Variants in LUZP2 observed in about 807,000 individuals in gnomAD.
LUZP2 encodes the protein leucine zipper protein 2.
LUZP2 carries 52 observed loss-of-function variants against 51.6 expected under a neutral mutation model. The observed-to-expected ratio is 1.01, with a 90% CI of 0.81 to 1.27. The LOEUF (loss-of-function observed/expected upper bound fraction) is 1.27, where lower values mean the gene tolerates loss of function less well. LUZP2 is among the 50% of genes most tolerant of loss of function. The probability of loss-of-function intolerance (pLI) is 0.00; values close to 1 mark genes in which losing one functional copy is unlikely to be tolerated. For synonymous variants in LUZP2, 154 were observed against 137.3 expected (o/e 1.12, Z -0.85); for missense variants, 436 against 395.4 (o/e 1.10, Z -0.87).
chr11:24,514,119 A>G (rs1310648285), intron 1 of LUZP2, among the ~76,000 whole-genome samples: 2 of 152,206 alleles, frequency 1.3e-5, no homozygotes, highest in Non-Finnish European at 2.9e-5. Context: ...AGCATGTGGC[A>G]TATCCCTGGC....
rs367681666 is a variant in LUZP2 at position 24,531,039 on chromosome 11, T to TTTATTA, written c.62+33755_62+33760dup. Among the ~76,000 whole-genome samples, 715 of 144,894 alleles carry TTTATTA rather than the reference T, an allele frequency of 4.9e-3. 9 individuals carry two copies. Among genetic ancestry groups the TTTATTA allele is most frequent in the African/African-American group, 0.018 (678 of 38,570 alleles). On this transcript the variant is annotated intron_variant, in intron 1 of 11. Coordinates refer to ENST00000336930, the MANE Select transcript of LUZP2 (RefSeq NM_001009909.4). Reference sequence around the variant, plus strand: ...CAGATGGCTTATTACTTTAGCCTCTTTTATTATTATTATTATTATTATTAT... The same window carrying TTTATTA: ...CAGATGGCTTATTACTTTAGCCTCTTTTATTATTATTATTATTATTATTATTATTAT...
Position 24,993,953 on chromosome 11 carries a change from G to A in LUZP2, c.765+10660G>A, listed in dbSNP as rs550822416. 3.3e-5 allele frequency among the ~76,000 whole-genome samples: 5 copies of A among 152,062 alleles called. No homozygotes were observed. The South Asian group carries it at 8.3e-4, about 25-fold the overall frequency. On this transcript the variant is annotated intron_variant, in intron 9 of 11. Transcript: ENST00000336930. The stretch of plus-strand genomic sequence containing the variant: ...TTGGCTCACTGCAGCCTCCGCCTCC[G>A]GGGTTCAAGTGATTCTCCTGCCTCA...
chr11:24,904,054 GT>G (rs910905576), intron 5 of LUZP2, among the ~76,000 whole-genome samples: 1 of 152,088 alleles, frequency 6.6e-6, no homozygotes, highest in African/African-American at 2.4e-5. Flanking sequence ...CTTCCATACT[GT>G]TTTCCGTAAT....
intron 1 of LUZP2, among the ~76,000 whole-genome samples, chr11:24,508,484 A>G (rs970607211): frequency 5.3e-5 from 8 of 152,104 alleles, no homozygotes; most frequent in African/African-American, 1.9e-4. Context: ...TTAGCATGGT[A>G]ATATCTTTAT....
At chr11:25,023,372 A>G (rs1467969774) in intron 9 of LUZP2, among the ~76,000 whole-genome samples, 1 of 151,930 alleles carries the variant, frequency 6.6e-6, no homozygotes, top group African/African-American at 2.4e-5. Context: ...TAGTCTTGGG[A>G]GGGTGTATGT....
intron 7 of LUZP2, among the ~76,000 whole-genome samples, chr11:24,947,311 A>G (rs1369906710): frequency 6.6e-6 from 1 of 151,912 alleles, no homozygotes; most frequent in African/African-American, 2.4e-5. Flanking sequence ...ACTGAATACT[A>G]TGAGGAGGTG....
At chr11:24,802,383 T>C (rs771782888) in intron 5 of LUZP2, among the ~76,000 whole-genome samples, 6 of 152,016 alleles carry the variant, frequency 3.9e-5, no homozygotes, top group Non-Finnish European at 7.4e-5. Flanking sequence ...AACATTCTAC[T>C]ACATGAGTTT....
intron 1 of LUZP2, among the ~76,000 whole-genome samples, chr11:24,505,540 A>G (rs904205471): frequency 2.0e-5 from 3 of 152,178 alleles, no homozygotes; most frequent in African/African-American, 7.2e-5. Context: ...GACAGTCTAC[A>G]TTATCTAATT....
At chr11:24,857,683 C>T (rs1193395264) in intron 5 of LUZP2, among the ~76,000 whole-genome samples, 2 of 136,502 alleles carry the variant, frequency 1.5e-5, no homozygotes, top group African/African-American at 5.6e-5. Context: ...TGGTTATTTA[C>T]CATCTTGATC....
At chr11:24,570,459 A>C (rs1852396311) in intron 1 of LUZP2, among the ~76,000 whole-genome samples, 1 of 152,080 alleles carries the variant, frequency 6.6e-6, no homozygotes, top group Non-Finnish European at 1.5e-5. Flanking sequence ...CAAAAGTAGC[A>C]AAATAGCCTT....
chr11:24,874,140 T>C (rs1420220975), intron 5 of LUZP2, among the ~76,000 whole-genome samples: 1 of 152,118 alleles, frequency 6.6e-6, no homozygotes, highest in Non-Finnish European at 1.5e-5. Context: ...CTGGGAACAA[T>C]GCTAAAATGA....
chr11:24,545,131 T>C (rs1451468485), intron 1 of LUZP2, among the ~76,000 whole-genome samples: 1 of 151,978 alleles, frequency 6.6e-6, no homozygotes, highest in Non-Finnish European at 1.5e-5. Flanking sequence ...TTTAATTTTT[T>C]TTTTCTTGCT....
chr11:24,586,161 T>G (rs1041284332), intron 1 of LUZP2, among the ~76,000 whole-genome samples: 5 of 152,098 alleles, frequency 3.3e-5, no homozygotes, highest in African/African-American at 1.2e-4. Context: ...TTCTCTGTAC[T>G]TTAAATAGAA....
intron 1 of LUZP2, among the ~76,000 whole-genome samples, chr11:24,596,209 C>A (rs1410076423): frequency 6.6e-6 from 1 of 152,202 alleles, no homozygotes; most frequent in Non-Finnish European, 1.5e-5. Context: ...AACCTCCCAC[C>A]TATCTTGCAC....
intron 9 of LUZP2, among the ~76,000 whole-genome samples, chr11:25,041,104 C>T (rs1858040901): frequency 6.6e-6 from 1 of 152,012 alleles, no homozygotes; most frequent in African/African-American, 2.4e-5. Context: ...ATATTTTGTT[C>T]ATTTTTTTCA....
chr11:24,851,350 A>C (rs1034221475), intron 5 of LUZP2, among the ~76,000 whole-genome samples: 8 of 152,118 alleles, frequency 5.3e-5, no homozygotes, highest in African/African-American at 1.7e-4. Flanking sequence ...TTCTGCATCT[A>C]TTGAGATAAT....
intron 9 of LUZP2, among the ~76,000 whole-genome samples, chr11:25,023,765 G>A (rs1029496347): frequency 2.6e-5 from 4 of 152,018 alleles, no homozygotes; most frequent in Admixed American, 6.6e-5. Context: ...TCTCTTGTGG[G>A]CATTTAGTGC....
At chr11:24,567,699 A>G (rs1273226338) in intron 1 of LUZP2, among the ~76,000 whole-genome samples, 1 of 152,144 alleles carries the variant, frequency 6.6e-6, no homozygotes, top group Admixed American at 6.6e-5. Context: ...TGAATGAAAA[A>G]AAATAGTACT....
chr11:24,922,835 T>G (rs1565113415), intron 7 of LUZP2, among the ~76,000 whole-genome samples: 2 of 39,946 alleles, frequency 5.0e-5, no homozygotes, highest in Non-Finnish European at 9.0e-5. Context: ...CTTTTTTTTT[T>G]TCTTTTTTTT....
Sources: gnomAD v4.1 joint callset for allele counts (sites outside exome capture counted in the v4.1 genomes callset) on GRCh38, gnomAD v4.1.1 for gene constraint, MANE v1.5 for transcripts, NCBI Gene and HGNC (gene_info 2026-07-23, HGNC 2026-07-21) for gene names.